MITF: variants seen among roughly 807,000 people sequenced by gnomAD.
MITF encodes microphthalmia-associated transcription factor.
In MITF, 17 loss-of-function variants were observed where a neutral mutation model predicts 60.5. That is an observed-to-expected ratio of 0.28 (90% confidence interval 0.19 to 0.42). The LOEUF (loss-of-function observed/expected upper bound fraction) is 0.42, where lower values mean the gene tolerates loss of function less well. Ranked by LOEUF, MITF falls within the 10% of genes least tolerant of loss-of-function variation. The probability of loss-of-function intolerance (pLI) is 1.00; values close to 1 mark genes in which losing one functional copy is unlikely to be tolerated. For missense variants in MITF, 622 were observed against 683.5 expected (o/e 0.91, Z 1.00); for synonymous variants, 260 against 248.5 (o/e 1.05, Z -0.43).
intron 1 of MITF, among the ~76,000 whole-genome samples, chr3:69,789,378 C>T (rs374322554): frequency 2.3e-4 from 35 of 152,044 alleles, no homozygotes; most frequent in Non-Finnish European, 4.0e-4. Flanking sequence ...CCAACAAGCA[C>T]GTGAAAAAGT....
At chr3:69,899,196 A>G (rs556697668) in intron 2 of MITF, among the ~76,000 whole-genome samples, 1 of 152,340 alleles carries the variant, frequency 6.6e-6, no homozygotes, top group African/African-American at 2.4e-5. Flanking sequence ...AGAAAATTTC[A>G]GCAGGTGGAG....
intron 1 of MITF, among the ~76,000 whole-genome samples, chr3:69,815,585 C>T (rs565978461): frequency 6.6e-6 from 1 of 152,150 alleles, no homozygotes; most frequent in Non-Finnish European, 1.5e-5. Context: ...ATGTAATATA[C>T]AAAATATGTG....
chr3:69,879,069 C>A (rs781713614), intron 1 of MITF, 65 bp from the exon 2 acceptor site: 80 of 1,393,870 alleles, frequency 5.7e-5, no homozygotes, highest in Non-Finnish European at 7.8e-5. Flanking sequence ...TAGGATACCC[C>A]CAAAGTGCAA....
chr3:69,852,425 G>C (rs1050362175), intron 1 of MITF, among the ~76,000 whole-genome samples: 3 of 152,170 alleles, frequency 2.0e-5, no homozygotes, highest in Non-Finnish European at 4.4e-5. Context: ...AAATCATACA[G>C]CATGTACTCT....
intron 1 of MITF, among the ~76,000 whole-genome samples, chr3:69,831,338 T>A (rs1468711311): frequency 6.6e-6 from 1 of 152,168 alleles, no homozygotes; most frequent in Non-Finnish European, 1.5e-5. Context: ...GGGTTGACGT[T>A]CTTGTCCTCT....
At chr3:69,963,462 T>C (rs2066600546) in intron 9 of MITF, among the ~76,000 whole-genome samples, 1 of 152,214 alleles carries the variant, frequency 6.6e-6, no homozygotes, top group Non-Finnish European at 1.5e-5. Context: ...TTTTGTTAGG[T>C]CCGAACAACT....
intron 2 of MITF, among the ~76,000 whole-genome samples, chr3:69,885,359 C>T (rs1326335443): frequency 6.6e-6 from 1 of 152,026 alleles, no homozygotes; most frequent in Non-Finnish European, 1.5e-5. Flanking sequence ...TTACACAGTT[C>T]TCATAATTCC....
At chr3:69,955,714 C>T (rs965279326) in intron 7 of MITF, among the ~76,000 whole-genome samples, 1 of 152,032 alleles carries the variant, frequency 6.6e-6, no homozygotes, top group Admixed American at 6.6e-5. Flanking sequence ...ACTTGGGAGG[C>T]TGAGGCACAA....
At chr3:69,835,970 T>A (rs1257491047) in intron 1 of MITF, among the ~76,000 whole-genome samples, 1 of 152,164 alleles carries the variant, frequency 6.6e-6, no homozygotes, top group Non-Finnish European at 1.5e-5. Context: ...TTTTGTGATC[T>A]CATATGAATT....
intron 2 of MITF, among the ~76,000 whole-genome samples, chr3:69,927,168 A>G (rs2065611211): frequency 1.3e-5 from 2 of 152,162 alleles, no homozygotes; most frequent in South Asian, 2.1e-4. Flanking sequence ...TTAAAAATCA[A>G]TTTTGGATAG....
intron 1 of MITF, among the ~76,000 whole-genome samples, chr3:69,783,268 T>A (rs2062594572): frequency 6.6e-6 from 1 of 152,182 alleles, no homozygotes; most frequent in African/African-American, 2.4e-5. Flanking sequence ...TACCTTTTGC[T>A]TGGATGCTCC....
chr3:69,867,150 T>C (rs1022833135), intron 1 of MITF, among the ~76,000 whole-genome samples: 4 of 152,194 alleles, frequency 2.6e-5, no homozygotes, highest in Non-Finnish European at 1.5e-5. Context: ...AATCAACTTA[T>C]GCAAAAGCTA....
chr3:69,741,005 C>T (rs1703508491), intron 1 of MITF, among the ~76,000 whole-genome samples: 1 of 152,148 alleles, frequency 6.6e-6, no homozygotes. Flanking sequence ...ACTCTTTATC[C>T]AAGTTGGGGA....
intron 1 of MITF, among the ~76,000 whole-genome samples, chr3:69,755,184 A>T (rs867067676): frequency 1.3e-5 from 2 of 152,226 alleles, no homozygotes; most frequent in Non-Finnish European, 2.9e-5. Context: ...GACTATAGCT[A>T]AGTGGAGAAA....
chr3:69,876,942 G>T (rs962303914), intron 1 of MITF, among the ~76,000 whole-genome samples: 1 of 152,124 alleles, frequency 6.6e-6, no homozygotes, highest in Non-Finnish European at 1.5e-5. Context: ...GGAGTAAAAT[G>T]ATAGAAAGAT....
intron 1 of MITF, among the ~76,000 whole-genome samples, chr3:69,839,701 A>G (rs1372757174): frequency 1.3e-5 from 2 of 151,930 alleles, no homozygotes; most frequent in Non-Finnish European, 2.9e-5. Flanking sequence ...TCAGAAGGGA[A>G]CCGACTTTCC....
At chr3:69,808,830 G>A (rs1209114716) in intron 1 of MITF, among the ~76,000 whole-genome samples, 4 of 152,102 alleles carry the variant, frequency 2.6e-5, no homozygotes, top group African/African-American at 9.7e-5. Flanking sequence ...GGGATTTTTA[G>A]ATGGGTGAAT....
At position 69,937,881 on chromosome 3, in the gene MITF, G is replaced by A; in HGVS notation, c.414G>A (p.Gln138=). The part of the protein sequence containing the change: ...KYHIQQAQRQ[Q]VKQYLSTTLA... ...ACATACAGCAAGCCCAACGGCAGCAGGTAAAGCAGTACCTTTCTACCACTT... is the reference window on the plus strand; with the variant it reads ...ACATACAGCAAGCCCAACGGCAGCAAGTAAAGCAGTACCTTTCTACCACTT... The change falls in exon 3 of 10, where the codon CAG becomes CAA. Residue 138 remains glutamine, a synonymous_variant. Coordinates refer to ENST00000352241, the MANE Select transcript of MITF (RefSeq NM_001354604.2). 3 of 1,614,072 alleles carry A rather than the reference G, an allele frequency of 1.9e-6. No individual in the cohort carries two copies. The highest frequency in any genetic ancestry group is 2.5e-6 in the Non-Finnish European group (3 of 1,180,000).
chr3:69,900,763 G>A (rs2107348885), intron 2 of MITF, among the ~76,000 whole-genome samples: 1 of 152,276 alleles, frequency 6.6e-6, no homozygotes, highest in African/African-American at 2.4e-5. Context: ...GGCAAATAAA[G>A]GATGAGGAGC....
Sources: allele counts gnomAD v4.1 joint callset (sites outside exome capture counted in the v4.1 genomes callset), GRCh38; gene constraint gnomAD v4.1.1; transcripts MANE v1.5; gene names NCBI Gene and HGNC (gene_info 2026-07-23, HGNC 2026-07-21).